The following MAGI1 variants were observed in gnomAD, a reference collection of about 807,000 sequenced individuals.
The protein encoded by MAGI1 is membrane-associated guanylate kinase, WW and PDZ domain-containing protein 1.
Under a neutral mutation model 139.9 loss-of-function variants are expected in MAGI1, and 58 were observed. The observed-to-expected ratio is 0.41, with a 90% CI of 0.34 to 0.52. The LOEUF is 0.52. Among genes scored for constraint, MAGI1 ranks in the 20% least tolerant of loss-of-function variants. The pLI, the probability that MAGI1 is intolerant of heterozygous loss-of-function variation, is 0.12. For missense variants in MAGI1, 1,874 were observed against 1,901.6 expected, an observed-to-expected ratio of 0.99 and a Z score of 0.27; for synonymous variants, 812 against 737.9, an observed-to-expected ratio of 1.10 and a Z score of -1.63.
intron 1 of MAGI1, among the ~76,000 whole-genome samples, chr3:65,670,293 T>A (rs2086774952): frequency 6.6e-6 from 1 of 151,906 alleles, no homozygotes; most frequent in Non-Finnish European, 1.5e-5. Context: ...CTCATATATA[T>A]GCATATACAT....
chr3:65,761,001 C>G lies in MAGI1; in HGVS notation c.314-138913G>C, dbSNP rs369412473. 4.6e-5 allele frequency among the ~76,000 whole-genome samples: 7 copies of G among 152,222 alleles called. No homozygotes were observed. In the East Asian group the frequency reaches 1.4e-3, roughly 29 times the overall value. ...TTTGCCATTTTAAACATATGTAGCG[C>G]CCATAGACGGATAGGTACCCTGAAG... On this transcript the variant is annotated intron_variant, in intron 1 of 22. Transcript: ENST00000402939.
intron 2 of MAGI1, among the ~76,000 whole-genome samples, chr3:65,506,436 C>A (rs2077291703): frequency 6.6e-6 from 1 of 152,182 alleles, no homozygotes; most frequent in African/African-American, 2.4e-5. Context: ...TAACAAAGAG[C>A]ACAGGTTTTC....
At chr3:65,844,092 G>A in intron 1 of MAGI1, 3 of 499,368 alleles carry the variant, frequency 6.0e-6, no homozygotes, top group Non-Finnish European at 1.2e-5. Context: ...AGTGGAGTTG[G>A]TAGGTGTGTC....
At chr3:65,653,561 CAGG>C (rs1226969346) in intron 1 of MAGI1, among the ~76,000 whole-genome samples, 2 of 152,122 alleles carry the variant, frequency 1.3e-5, no homozygotes, top group African/African-American at 2.4e-5. Flanking sequence ...TTTTGTACTA[CAGG>C]AGTTTATAAA....
chr3:65,382,041 C>T lies in MAGI1; in HGVS notation c.2537G>A (p.Gly846Asp). The change falls in exon 16 of 23, where the codon GGT (glycine) becomes GAT (aspartate). Residue 846 changes from glycine (G) to aspartate (D), a missense_variant. By Grantham distance (94) the Gly-to-Asp change is moderately conservative. Around this residue, in one of 5 missense-constraint regions of MAGI1, gnomAD observed 482 missense variants for 509.6 expected, o/e 0.95. Coordinates refer to ENST00000402939, the MANE Select transcript of MAGI1 (RefSeq NM_001033057.2). ...PIYIGHIVPL[G>D]AADTDGRLRS... ...CAGGCGGCCGTCAGTATCAGCAGCA[C>T]CCAGTGGTACGATGTGACCAATATA... The T allele has an allele frequency of 1.2e-6, 2 of 1,613,556 alleles. No homozygotes were observed. The highest frequency in any genetic ancestry group is 1.7e-6 in the Non-Finnish European group (2 of 1,179,800).
At chr3:65,671,198 A>T (rs1488478934) in intron 1 of MAGI1, among the ~76,000 whole-genome samples, 1 of 152,208 alleles carries the variant, frequency 6.6e-6, no homozygotes, top group Non-Finnish European at 1.5e-5. Context: ...AGAGCTGGTA[A>T]GAGCTAAAAT....
At chr3:65,942,417 T>C (rs977300513) in intron 1 of MAGI1, among the ~76,000 whole-genome samples, 1 of 152,180 alleles carries the variant, frequency 6.6e-6, no homozygotes, top group Non-Finnish European at 1.5e-5. Context: ...AAACAGACAG[T>C]TGATCATTCT....
chr3:65,577,967 C>T (rs1038336277), intron 2 of MAGI1, among the ~76,000 whole-genome samples: 6 of 152,170 alleles, frequency 3.9e-5, no homozygotes, highest in South Asian at 2.1e-4. Flanking sequence ...CTCTCACACA[C>T]GACTTGTGTA....
intron 1 of MAGI1, chr3:65,873,677 C>T (rs1377062773): frequency 6.6e-6 from 1 of 152,094 alleles, no homozygotes; most frequent in East Asian, 1.9e-4. Context: ...GTGTCAAGAC[C>T]TCTGCATATT....
At chr3:66,028,783 GAACT>G (rs2068438606) in intron 1 of MAGI1, among the ~76,000 whole-genome samples, 1 of 152,068 alleles carries the variant, frequency 6.6e-6, no homozygotes, top group Non-Finnish European at 1.5e-5. Flanking sequence ...CTACTTGTCT[GAACT>G]AATCCAGTCT....
At chr3:65,934,032 C>G (rs2062930536) in intron 1 of MAGI1, among the ~76,000 whole-genome samples, 1 of 152,054 alleles carries the variant, frequency 6.6e-6, no homozygotes, top group Admixed American at 6.6e-5. Context: ...GAGGCTGAGG[C>G]AGGAGAATCA....
At chr3:65,505,937 AAAT>A (rs2077268130) in intron 2 of MAGI1, among the ~76,000 whole-genome samples, 1 of 152,150 alleles carries the variant, frequency 6.6e-6, no homozygotes, top group African/African-American at 2.4e-5. Context: ...ACATTTCCAT[AAAT>A]AATAATAAAT....
chr3:65,404,045 A>G (rs903785497), intron 12 of MAGI1, among the ~76,000 whole-genome samples: 8 of 152,208 alleles, frequency 5.3e-5, no homozygotes, highest in African/African-American at 1.9e-4. Flanking sequence ...TGTTCCACAC[A>G]CTCAAACACA....
In MAGI1 at chr3:65,478,675, T is replaced by C. The variant is rs767008377; in HGVS notation, c.674A>G (p.Tyr225Cys). ...TATGCCAGCATTTTGCATATCATTGTAGGACTTGGTTCGCTTCGGGGTCGA... is the reference window on the plus strand; with the variant it reads ...TATGCCAGCATTTTGCATATCATTGCAGGACTTGGTTCGCTTCGGGGTCGA... ...KQSTPKRTKSYNDMQNAGIVH... is the reference protein window; with the variant it reads ...KQSTPKRTKSCNDMQNAGIVH... The change falls in exon 4 of 23, where the codon TAC becomes TGC. Residue 225 changes from tyrosine to cysteine, a missense_variant. Transcript: ENST00000402939. 9.9e-6 allele frequency: 16 copies of C among 1,614,106 alleles called. No homozygotes were observed. Among genetic ancestry groups the C allele is most frequent in the South Asian group, 3.3e-5 (3 of 91,080 alleles).
At chr3:65,566,210 C>T (rs991883059) in intron 2 of MAGI1, among the ~76,000 whole-genome samples, 2 of 151,856 alleles carry the variant, frequency 1.3e-5, no homozygotes, top group Non-Finnish European at 1.5e-5. Context: ...GCTGAGACTG[C>T]ACCACTGCAC....
chr3:65,402,208 T>C (rs1944954385), intron 12 of MAGI1, among the ~76,000 whole-genome samples: 1 of 152,036 alleles, frequency 6.6e-6, no homozygotes, highest in Admixed American at 6.6e-5. Flanking sequence ...AAGCATGTCA[T>C]TTGGGAGTGA....
chr3:65,398,860 T>G (rs554835671), intron 13 of MAGI1, among the ~76,000 whole-genome samples: 1 of 152,266 alleles, frequency 6.6e-6, no homozygotes, highest in Non-Finnish European at 1.5e-5. Context: ...AACCACAATT[T>G]CAACATTTAA....
chr3:65,455,959 G>A (rs772913016), intron 5 of MAGI1, among the ~76,000 whole-genome samples: 9 of 152,082 alleles, frequency 5.9e-5, no homozygotes, highest in Non-Finnish European at 1.2e-4. Context: ...CTAGTTTTTG[G>A]CTATTTGGAC....
At chr3:65,794,333 C>T (rs2039981480) in intron 1 of MAGI1, among the ~76,000 whole-genome samples, 2 of 152,300 alleles carry the variant, frequency 1.3e-5, no homozygotes, top group South Asian at 4.1e-4. Context: ...CAAAACTCAA[C>T]AGCACCTTTT....
Sources: allele counts gnomAD v4.1 joint callset (sites outside exome capture counted in the v4.1 genomes callset), GRCh38; gene constraint gnomAD v4.1.1; regional missense constraint gnomAD v4.1.1; transcripts MANE v1.5; gene names NCBI Gene and HGNC (gene_info 2026-07-23, HGNC 2026-07-21).